The following UBE2E2 variants were observed in gnomAD, a reference collection of about 807,000 sequenced individuals.
The protein encoded by UBE2E2 is ubiquitin-conjugating enzyme E2 E2.
In UBE2E2, 6 loss-of-function variants were observed where a neutral mutation model predicts 24.7. The observed-to-expected ratio is 0.24, with a 90% confidence interval of 0.13 to 0.48. UBE2E2 has a LOEUF of 0.48. Ranked by LOEUF, UBE2E2 falls within the 20% of genes least tolerant of loss-of-function variation. The pLI is 0.99. For missense variants in UBE2E2, 169 were observed against 245.0 expected (o/e 0.69, Z 2.07); for synonymous variants, 104 against 83.6 (o/e 1.24, Z -1.33).
At chr3:23,437,735 T>C (rs74857173) in intron 3 of UBE2E2, among the ~76,000 whole-genome samples, 72 of 152,340 alleles carry the variant, frequency 4.7e-4, no homozygotes, top group African/African-American at 1.7e-3. Context: ...TCCTTTGGAT[T>C]TCTACGTCCT....
At chr3:23,533,562 A>G (rs1185128555) in intron 5 of UBE2E2, among the ~76,000 whole-genome samples, 1 of 150,886 alleles carries the variant, frequency 6.6e-6, no homozygotes, top group Non-Finnish European at 1.5e-5. Context: ...CAGTCTTTCT[A>G]CTTTTATATT....
chr3:23,458,419 TGGTGGTG>T (rs1559389751), intron 3 of UBE2E2, among the ~76,000 whole-genome samples: 4 of 149,096 alleles, frequency 2.7e-5, no homozygotes, highest in African/African-American at 9.9e-5. Context: ...GTGGTGGTGG[TGGTGGTG>T]GTTGTTGTTG....
rs531669980 is a variant in UBE2E2 at position 23,465,966 on chromosome 3, G to A, written c.228-33642G>A. Among the ~76,000 whole-genome samples the A allele has an allele frequency of 2.6e-4, 39 of 152,200 alleles. 2 individuals are homozygous for A. The highest frequency in any genetic ancestry group is 2.1e-3 in the Admixed American group (32 of 15,286). On this transcript the variant is annotated intron_variant, in intron 3 of 5. Transcript: ENST00000396703. Reference sequence around the variant, plus strand: ...CTAGGTACACATTCTTTAGAGTTGGGTAGCTTCCCCTAATAATTAACACGG... The same window carrying A: ...CTAGGTACACATTCTTTAGAGTTGGATAGCTTCCCCTAATAATTAACACGG...
intron 4 of UBE2E2, 149 bp downstream of exon 4, chr3:23,499,889 T>C (rs893982642): frequency 3.0e-6 from 3 of 994,672 alleles, no homozygotes; most frequent in African/African-American, 1.7e-5. Flanking sequence ...AATGAAACAA[T>C]GTAAAAAATT....
chr3:23,574,307 T>C (rs973436327), intron 5 of UBE2E2, among the ~76,000 whole-genome samples: 2 of 152,174 alleles, frequency 1.3e-5, no homozygotes, highest in African/African-American at 4.8e-5. Flanking sequence ...AGACCTAGTG[T>C]TTGCTAGCAC....
intron 3 of UBE2E2, among the ~76,000 whole-genome samples, chr3:23,436,079 A>G (rs754637965): frequency 2.0e-5 from 3 of 152,082 alleles, no homozygotes; most frequent in South Asian, 2.1e-4. Context: ...AACTCAGGCA[A>G]CAATGCTTGC....
intron 5 of UBE2E2, among the ~76,000 whole-genome samples, chr3:23,546,356 T>C (rs1450751920): frequency 6.6e-6 from 1 of 151,990 alleles, no homozygotes; most frequent in Non-Finnish European, 1.5e-5. Flanking sequence ...ACAAACATCA[T>C]TCTTTACTCA....
At chr3:23,283,486 G>T (rs927959939) in intron 3 of UBE2E2, among the ~76,000 whole-genome samples, 3 of 152,176 alleles carry the variant, frequency 2.0e-5, no homozygotes, top group African/African-American at 7.2e-5. Context: ...TGTAATCCCA[G>T]CACTTTGGGA....
chr3:23,396,319 G>GTA (rs1334899077), intron 3 of UBE2E2, among the ~76,000 whole-genome samples: 1 of 89,714 alleles, frequency 1.1e-5, no homozygotes, highest in Non-Finnish European at 2.3e-5. Context: ...ATATATATAT[G>GTA]TATATATATA....
At chr3:23,281,017 A>G (rs1698479459) in intron 3 of UBE2E2, among the ~76,000 whole-genome samples, 1 of 152,218 alleles carries the variant, frequency 6.6e-6, no homozygotes, top group Non-Finnish European at 1.5e-5. Context: ...TGCTGGAGAA[A>G]GAAAGACCTT....
At chr3:23,465,270 A>G (rs1698897703) in intron 3 of UBE2E2, among the ~76,000 whole-genome samples, 1 of 152,214 alleles carries the variant, frequency 6.6e-6, no homozygotes, top group South Asian at 2.1e-4. Context: ...GGCCAAATGA[A>G]GACTGAACTC....
intron 3 of UBE2E2, among the ~76,000 whole-genome samples, chr3:23,237,867 AT>A (rs1697156721): frequency 6.6e-6 from 1 of 152,146 alleles, no homozygotes. Context: ...GTCTTAATTC[AT>A]TTGTTAATAT....
At chr3:23,419,762 TAAATG>T (rs1480490265) in intron 3 of UBE2E2, among the ~76,000 whole-genome samples, 1 of 152,214 alleles carries the variant, frequency 6.6e-6, no homozygotes, top group Non-Finnish European at 1.5e-5. Flanking sequence ...AAATTTTTGT[TAAATG>T]AATGAATGAG....
chr3:23,313,628 C>G (rs963931266), intron 3 of UBE2E2, among the ~76,000 whole-genome samples: 1 of 151,990 alleles, frequency 6.6e-6, no homozygotes, highest in Admixed American at 6.6e-5. Flanking sequence ...TGTAATCCAC[C>G]CACCTCGGCC....
intron 5 of UBE2E2, among the ~76,000 whole-genome samples, chr3:23,581,525 T>C (rs935494073): frequency 6.6e-6 from 1 of 152,216 alleles, no homozygotes; most frequent in Non-Finnish European, 1.5e-5. Context: ...ATTAATTCAC[T>C]TAATTCTCAT....
At chr3:23,466,548 C>G (rs941839957) in intron 3 of UBE2E2, among the ~76,000 whole-genome samples, 18 of 148,700 alleles carry the variant, frequency 1.2e-4, no homozygotes, top group Middle Eastern at 6.9e-3. Context: ...GTCCCAGAGT[C>G]TGTTTTGTTT....
In UBE2E2 at chr3:23,355,634, C is replaced by G. The variant is rs138167052; in HGVS notation, c.227+138322C>G. 6.2e-3 allele frequency among the ~76,000 whole-genome samples: 947 copies of G among 152,180 alleles called. 14 individuals carry two copies. Among genetic ancestry groups the G allele is most frequent in the African/African-American group, 0.021 (874 of 41,520 alleles). On this transcript the variant is annotated intron_variant, in intron 3 of 5. Coordinates refer to ENST00000396703, the MANE Select transcript of UBE2E2 (RefSeq NM_152653.4). ...GTTACTTTTTTTTGTTTGTTTGTTT[C>G]ATGCCCTGGATTGTGGCTGACCAGT...
intron 3 of UBE2E2, among the ~76,000 whole-genome samples, chr3:23,236,510 C>G (rs1233190075): frequency 6.8e-6 from 1 of 147,190 alleles, no homozygotes. Flanking sequence ...GGCCTGTGGA[C>G]TGAACATAGC....
chr3:23,380,138 A>T (rs915161985), intron 3 of UBE2E2, among the ~76,000 whole-genome samples: 19 of 148,086 alleles, frequency 1.3e-4, no homozygotes, highest in Admixed American at 4.0e-4. Context: ...TTGGAAATTT[A>T]AAAAAAATCA....
Sources: allele counts gnomAD v4.1 joint callset (sites outside exome capture counted in the v4.1 genomes callset), GRCh38; gene constraint gnomAD v4.1.1; transcripts MANE v1.5; gene names NCBI Gene and HGNC (gene_info 2026-07-23, HGNC 2026-07-21).